Variants in C1orf35 observed in about 807,000 individuals in gnomAD.
C1orf35 encodes the protein multiple myeloma tumor-associated protein 2.
C1orf35 carries 36 observed loss-of-function variants against 30.9 expected under a neutral mutation model. The ratio of observed to expected loss-of-function variants is 1.16; its 90% CI spans 0.89 to 1.54. The LOEUF is 1.54. C1orf35 is among the 40% of genes most tolerant of loss of function. C1orf35 has a pLI of 0.00. For missense variants in C1orf35, 396 were observed against 358.7 expected, an observed-to-expected ratio of 1.10 and a Z score of -0.84; for synonymous variants, 179 against 148.2, an observed-to-expected ratio of 1.21 and a Z score of -1.51.
At chr1:228,101,759 G>A (rs575428626) in intron 6 of C1orf35, 1 of 1,410,122 alleles carries the variant, frequency 7.1e-7, no homozygotes, top group African/African-American at 1.4e-5. Context: ...CCACTCTTAG[G>A]GTCAGGCCCA....
Position 228,103,259 on chromosome 1 carries a change from G to A in C1orf35, c.-32C>T. ...GGGAAGGCAGTTGCCTGGGGCCTGC[G>A]GCTTGCAACCTGCAACCCGCAACCC... On this transcript the variant is annotated 5_prime_UTR_variant, in exon 1 of 8. Transcript: ENST00000272139. 18 of 1,605,298 alleles carry A rather than the reference G, an allele frequency of 1.1e-5. No individual in the cohort carries two copies. Among genetic ancestry groups the A allele is most frequent in the Non-Finnish European group, 1.4e-5 (17 of 1,177,302 alleles).
Position 228,101,440 on chromosome 1 carries a change from C to T in C1orf35, c.567G>A (p.Lys189=). Reference sequence around the variant, plus strand: ...TGTGTTTCCTCTTTTTCTTTTTCTTCTTCTCCTTCTTGCTTTTCCTGTGGC... The same window carrying T: ...TGTGTTTCCTCTTTTTCTTTTTCTTTTTCTCCTTCTTGCTTTTCCTGTGGC... ...CESHRKSKKE[K]KKKKKRKHKK... The change falls in exon 7 of 8, where the codon AAG becomes AAA. Residue 189 remains lysine (K), a synonymous_variant. Coordinates refer to ENST00000272139, the MANE Select transcript of C1orf35 (RefSeq NM_024319.4). 2.5e-6 allele frequency: 4 copies of T among 1,613,534 alleles called. No individual in the cohort carries two copies. Among genetic ancestry groups the T allele is most frequent in the South Asian group, 1.1e-5 (1 of 91,078 alleles).
chr1:228,102,676 G>T lies in C1orf35; in HGVS notation c.258C>A (p.Asn86Lys). 2 of 1,608,902 alleles carry T rather than the reference G, an allele frequency of 1.2e-6. No individual in the cohort carries two copies. The highest frequency in any genetic ancestry group is 1.7e-6 in the Non-Finnish European group (2 of 1,178,596). Residue 86 changes from asparagine (N) to lysine (K), a missense_variant, in exon 3 of 8, where the codon AAC becomes AAA. Transcript: ENST00000272139. ...TCAGGCCCGTGGGCTGCTTCTTCAC[G>T]TTCTTGTAGCCACTGCGAGAGGGCC... is the stretch of plus-strand genomic sequence containing the variant. Reference protein sequence around the residue: ...EALLAALGYKNVKKQPTGLSK... With the variant: ...EALLAALGYKKVKKQPTGLSK...
At chr1:228,101,514 G>C in intron 6 of C1orf35, 41 bp from the exon 7 acceptor site, 5 of 1,605,528 alleles carry the variant, frequency 3.1e-6, no homozygotes, top group Non-Finnish European at 4.2e-6. Context: ...CCCTAGTCTT[G>C]CAAGCCAAGA....
At chr1:228,102,876 C>T in intron 2 of C1orf35, 23 bp downstream of exon 2, 1 of 1,391,336 alleles carries the variant, frequency 7.2e-7, no homozygotes, top group Non-Finnish European at 9.3e-7. Flanking sequence ...AGGCACCGAC[C>T]GCTGCCGTCC....
At position 228,100,931 on chromosome 1, in the gene C1orf35, C is replaced by T. The variant is rs1032027298; in HGVS notation, c.*200G>A. On this transcript the variant is annotated 3_prime_UTR_variant, in exon 8 of 8. Coordinates refer to ENST00000272139, the MANE Select transcript of C1orf35 (RefSeq NM_024319.4). ...CAAGCCAGGGGCCATCCCTGGTATG[C>T]GAAACCTGGAGGTTTTCCAGGAAGC... 2.8e-5 allele frequency: 21 copies of T among 763,334 alleles called. No individual in the cohort carries two copies. Among genetic ancestry groups the T allele is most frequent in the South Asian group, 2.2e-4 (12 of 54,364 alleles). The allele number at this position is 763,334 out of a possible 1,614,324, so 47.3% of individuals were successfully genotyped here.
At chr1:228,102,456 TC>T (rs1571850188) in intron 4 of C1orf35, 21 bp downstream of exon 4, 2 of 1,565,822 alleles carry the variant, frequency 1.3e-6, no homozygotes, top group Non-Finnish European at 1.7e-6. Flanking sequence ...AGTGCTGCCC[TC>T]CCCTGGAAAC....
In C1orf35 at chr1:228,103,289, C is replaced by A. The variant is rs2033027374; in HGVS notation, c.-62G>T. On this transcript the variant is annotated 5_prime_UTR_variant, in exon 1 of 8. Coordinates refer to ENST00000272139, the MANE Select transcript of C1orf35 (RefSeq NM_024319.4). Reference sequence around the variant, plus strand: ...GCAACCTGCAACCCGCAACCCGAGACCCGCTACCCACTACCGTCGGACCCA... The same window carrying A: ...GCAACCTGCAACCCGCAACCCGAGAACCGCTACCCACTACCGTCGGACCCA... The A allele has an allele frequency of 6.4e-7, 1 of 1,573,740 alleles. No individual in the cohort carries two copies. The highest frequency in any genetic ancestry group is 8.6e-7 in the Non-Finnish European group (1 of 1,160,446).
At chr1:228,102,038 C>A (rs970449522) in intron 6 of C1orf35, 42 bp downstream of exon 6, 7 of 1,493,268 alleles carry the variant, frequency 4.7e-6, no homozygotes, top group South Asian at 1.3e-5. Flanking sequence ...TCCCGAGACC[C>A]CCCACCCCGG....
chr1:228,103,131 C>A lies in C1orf35; in HGVS notation c.94+3G>T. 1 of 1,610,738 alleles carries A rather than the reference C, an allele frequency of 6.2e-7. No homozygotes were observed. The highest frequency in any genetic ancestry group is 8.5e-7 in the Non-Finnish European group (1 of 1,179,194). On this transcript the variant is annotated splice_donor_region_variant and intron_variant, in intron 1 of 7. Transcript: ENST00000272139. ...CCGGAGCCCGCCCACCGCGCGCACC[C>A]ACCCAGGTAGTTCTCCCGCTGCTTG...
In C1orf35 at chr1:228,102,883, G is replaced by T; in HGVS notation, c.245+16C>A. 1.5e-6 allele frequency: 2 copies of T among 1,340,896 alleles called. No individual in the cohort carries two copies. Among genetic ancestry groups the T allele is most frequent in the Non-Finnish European group, 1.9e-6 (2 of 1,049,824 alleles). 83.1% of individuals were successfully genotyped at this position (1,340,896 alleles called of 1,614,324 possible). ...GCCGTCCCAGGCACCGACCGCTGCCGTCCGCGGACACTCACAGGGCGGCCA... is the reference window on the plus strand; with the variant it reads ...GCCGTCCCAGGCACCGACCGCTGCCTTCCGCGGACACTCACAGGGCGGCCA... On this transcript the variant is annotated intron_variant, in intron 2 of 7. Coordinates refer to ENST00000272139, the MANE Select transcript of C1orf35 (RefSeq NM_024319.4).
At chr1:228,102,618 C>A in intron 3 of C1orf35, 25 bp downstream of exon 3, 1 of 1,591,540 alleles carries the variant, frequency 6.3e-7, no homozygotes, top group East Asian at 2.3e-5. Flanking sequence ...CGGCCCTCCA[C>A]GCGCCCCCCA....
intron 6 of C1orf35, 42 bp downstream of exon 6, chr1:228,102,038 C>T (rs970449522): frequency 5.4e-6 from 8 of 1,493,150 alleles, no homozygotes; most frequent in Middle Eastern, 4.8e-4. Flanking sequence ...TCCCGAGACC[C>T]CCCACCCCGG....
rs971890760 is a variant in C1orf35, at chr1:228,101,149, G to A, written c.774C>T (p.Asp258=). Residue 258 remains aspartate (D), a synonymous_variant, in exon 8 of 8, where the codon GAC becomes GAT. Transcript: ENST00000272139. ...DRRSPSRRWH[D]RGSEA The stretch of plus-strand genomic sequence containing the variant: ...CCAGCCATCAGGCCTCAGAGCCTCT[G>A]TCATGCCACCTGCGAGACGGGCTCC... 1.2e-6 allele frequency: 2 copies of A among 1,613,652 alleles called. No homozygotes were observed. The highest frequency in any genetic ancestry group is 2.2e-5 in the South Asian group (2 of 91,090).
In C1orf35 at chr1:228,100,897, T is replaced by A. The variant is rs569558357; in HGVS notation, c.*234A>T. The A allele has an allele frequency of 4.9e-4, 296 of 602,290 alleles. 7 individuals carry two copies. The South Asian group carries it at 5.5e-3, about 11-fold the overall frequency. 37.3% of individuals were successfully genotyped at this position (602,290 alleles called of 1,614,324 possible). Reference sequence around the variant, plus strand: ...ACTGATAAATCTGGGCAGGTTCACCTTCGCAGGCCAAGCCAGGGGCCATCC... The same window carrying A: ...ACTGATAAATCTGGGCAGGTTCACCATCGCAGGCCAAGCCAGGGGCCATCC... On this transcript the variant is annotated 3_prime_UTR_variant, in exon 8 of 8. Transcript: ENST00000272139.
Position 228,101,222 on chromosome 1 carries a change from T to C in C1orf35, c.701A>G (p.Asn234Ser), listed in dbSNP as rs202069770. The C allele has an allele frequency of 5.6e-6, 9 of 1,613,642 alleles. No homozygotes were observed. The African/African-American group carries it at 6.7e-5, about 12-fold the overall frequency. Residue 234 changes from asparagine (N) to serine (S), a missense_variant, in exon 8 of 8, where the codon AAC (asparagine) becomes AGC (serine). Transcript: ENST00000272139. Reference sequence around the variant, plus strand: ...CTTCCTCCTCTTACAGCAGGGGGAGTTGGAGTCGGAGTCATGGTGGTGGTG... The same window carrying C: ...CTTCCTCCTCTTACAGCAGGGGGAGCTGGAGTCGGAGTCATGGTGGTGGTG... ...PRHHHHDSDS[N>S]SPCCKRRKRG...
Position 228,102,695 on chromosome 1 carries a change from G to C in C1orf35, c.246-7C>G, listed in dbSNP as rs1388647207. ...CTTCACGTTCTTGTAGCCACTGCGA[G>C]AGGGCCGGGGCAGGCGTCAGGACGG... On this transcript the variant is annotated splice_polypyrimidine_tract_variant and splice_region_variant and intron_variant, in intron 2 of 7. Coordinates refer to ENST00000272139, the MANE Select transcript of C1orf35 (RefSeq NM_024319.4). The C allele has an allele frequency of 1.2e-6, 2 of 1,605,870 alleles. No individual in the cohort carries two copies. The highest frequency in any genetic ancestry group is 1.3e-5 in the African/African-American group (1 of 74,810).
At position 228,101,146 on chromosome 1, in the gene C1orf35, T is replaced by A; in HGVS notation, c.777A>T (p.Arg259Ser). ...GGTCCAGCCATCAGGCCTCAGAGCC[T>A]CTGTCATGCCACCTGCGAGACGGGC... ...RRSPSRRWHD[R>S]GSEA Residue 259 changes from arginine to serine, a missense_variant, in exon 8 of 8, where the codon AGA (arginine) becomes AGT (serine). Coordinates refer to ENST00000272139, the MANE Select transcript of C1orf35 (RefSeq NM_024319.4). The A allele has an allele frequency of 6.2e-7, 1 of 1,613,698 alleles. No homozygotes were observed. Among genetic ancestry groups the A allele is most frequent in the Non-Finnish European group, 8.5e-7 (1 of 1,180,026 alleles).
intron 2 of C1orf35, 81 bp downstream of exon 2, chr1:228,102,817 AC>A: frequency 1.2e-5 from 4 of 344,350 alleles, no homozygotes; most frequent in South Asian, 2.9e-5. Context: ...GCCCAGCCCG[AC>A]CCCCAGTCCC....
Sources: allele counts gnomAD v4.1 joint callset, GRCh38; gene constraint gnomAD v4.1.1; transcripts MANE v1.5; gene names NCBI Gene and HGNC (gene_info 2026-07-23, HGNC 2026-07-21).